The following DCAF12 variants were observed in gnomAD, a reference collection of about 807,000 sequenced individuals.
The protein encoded by DCAF12 is DDB1- and CUL4-associated factor 12.
A neutral mutation model predicts 52.8 loss-of-function variants in DCAF12; 28 were observed. That is an observed-to-expected ratio of 0.53 (90% CI 0.39 to 0.73). DCAF12 has a LOEUF of 0.73. DCAF12 is among the 30% of genes least tolerant of loss of function. The pLI is 0.00. For synonymous variants in DCAF12, 196 were observed against 215.5 expected (o/e 0.91, Z 0.79); for missense variants, 425 against 552.2 (o/e 0.77, Z 2.31).
chr9:34,106,905 T>C (rs969832000), intron 3 of DCAF12, among the ~76,000 whole-genome samples: 4 of 152,218 alleles, frequency 2.6e-5, no homozygotes, highest in Non-Finnish European at 5.9e-5. Flanking sequence ...AGTCCCTTTA[T>C]GCTGCCTTTA....
At chr9:34,093,621 G>A (rs1323170126) in intron 6 of DCAF12, 173 bp from the exon 7 acceptor site, 1 of 644,106 alleles carries the variant, frequency 1.6e-6, no homozygotes, top group Non-Finnish European at 2.6e-6. Flanking sequence ...AGAAAGAGGA[G>A]GTGAATGTTA....
intron 2 of DCAF12, among the ~76,000 whole-genome samples, chr9:34,115,139 C>A (rs1587740077): frequency 6.6e-6 from 1 of 151,984 alleles, no homozygotes; most frequent in South Asian, 2.1e-4. Flanking sequence ...GGTGGGCAAC[C>A]TAAGTCTGTG....
chr9:34,122,971 A>G (rs1829198058), intron 2 of DCAF12, among the ~76,000 whole-genome samples: 1 of 152,220 alleles, frequency 6.6e-6, no homozygotes, highest in South Asian at 2.1e-4. Flanking sequence ...CCATGAACAT[A>G]TACCTAACCC....
intron 6 of DCAF12, among the ~76,000 whole-genome samples, chr9:34,096,503 C>G (rs1395569512): frequency 6.6e-6 from 1 of 152,148 alleles, no homozygotes; most frequent in African/African-American, 2.4e-5. Flanking sequence ...ACTCAGGTGG[C>G]TGAGGCACAA....
chr9:34,097,256 C>CTTTTTT (rs999860045), intron 5 of DCAF12, among the ~76,000 whole-genome samples: 16 of 94,842 alleles, frequency 1.7e-4, no homozygotes, highest in African/African-American at 2.3e-4. Context: ...TCTGACACTG[C>CTTTTTT]TTTTTTTTTT....
In DCAF12 at chr9:34,099,814, G is replaced by A. The variant is rs555119563; in HGVS notation, c.602-1297C>T. On this transcript the variant is annotated intron_variant, in intron 4 of 8. Transcript: ENST00000361264. ...TCACCATGTTGGCCAGGCTGGTGTCGAACTCCTGACCTCATGATCCACCCG... is the reference window on the plus strand; with the variant it reads ...TCACCATGTTGGCCAGGCTGGTGTCAAACTCCTGACCTCATGATCCACCCG... Among the ~76,000 whole-genome samples the A allele has an allele frequency of 1.1e-4, 16 of 151,898 alleles. No individual in the cohort carries two copies. In the Middle Eastern group the frequency reaches 0.01, roughly 97 times the overall value.
In DCAF12 at chr9:34,108,472, G is replaced by A. The variant is rs189625441; in HGVS notation, c.334-907C>T. Among the ~76,000 whole-genome samples the A allele has an allele frequency of 3.9e-3, 599 of 152,238 alleles. 3 individuals carry two copies. Among genetic ancestry groups the A allele is most frequent in the Non-Finnish European group, 6.3e-3 (429 of 68,028 alleles). On this transcript the variant is annotated intron_variant, in intron 2 of 8. Transcript: ENST00000361264. ...TGCTTACACAGAAGATATATGAAAG[G>A]AGAAACTAGGTGAGTCTTAAGTTTA...
chr9:34,098,526 C>T lies in DCAF12; in HGVS notation c.602-9G>A, dbSNP rs1373913305. On this transcript the variant is annotated splice_polypyrimidine_tract_variant and intron_variant, in intron 4 of 8. Coordinates refer to ENST00000361264, the MANE Select transcript of DCAF12 (RefSeq NM_015397.4). ...AGAACCATCACGTGAGCCTGCAGGG[C>T]CAGGAGAACACAGATGTCAGATGTA... 3.7e-6 allele frequency: 6 copies of T among 1,609,650 alleles called. No individual in the cohort carries two copies. Among genetic ancestry groups the T allele is most frequent in the Non-Finnish European group, 5.1e-6 (6 of 1,177,724 alleles).
chr9:34,120,669 CAAAAAAA>C (rs71506167), intron 2 of DCAF12, among the ~76,000 whole-genome samples: 1 of 117,142 alleles, frequency 8.5e-6, no homozygotes, highest in African/African-American at 3.1e-5. Context: ...GACGCGGTCT[CAAAAAAA>C]AAAAAAAAAA....
intron 2 of DCAF12, chr9:34,109,713 G>A: frequency 4.6e-6 from 1 of 219,778 alleles, no homozygotes. Flanking sequence ...GGGGGAATAG[G>A]ACCCTGTTCA....
chr9:34,110,803 A>G (rs1217391860), intron 2 of DCAF12, among the ~76,000 whole-genome samples: 1 of 151,660 alleles, frequency 6.6e-6, no homozygotes, highest in African/African-American at 2.4e-5. Context: ...AAACAAAACA[A>G]AACAAAACCA....
intron 2 of DCAF12, among the ~76,000 whole-genome samples, chr9:34,121,642 C>T (rs556856411): frequency 8.6e-4 from 131 of 152,194 alleles, no homozygotes; most frequent in African/African-American, 3.1e-3. Flanking sequence ...CACCCCCAGC[C>T]CCTTCAAGAG....
intron 6 of DCAF12, among the ~76,000 whole-genome samples, chr9:34,094,718 G>C (rs1306360944): frequency 6.6e-6 from 1 of 151,760 alleles, no homozygotes; most frequent in East Asian, 2.0e-4. Context: ...TTTTAGTAGA[G>C]ACGGGGTTTC....
intron 4 of DCAF12, among the ~76,000 whole-genome samples, chr9:34,099,694 A>T (rs1439112572): frequency 1.3e-5 from 2 of 151,614 alleles, no homozygotes; most frequent in Non-Finnish European, 2.9e-5. Flanking sequence ...CCCGGGTTCA[A>T]GCGATTCTCC....
At chr9:34,102,824 G>T (rs979087766) in intron 4 of DCAF12, among the ~76,000 whole-genome samples, 1 of 146,628 alleles carries the variant, frequency 6.8e-6, no homozygotes, top group Non-Finnish European at 1.5e-5. Context: ...GACTGTAATC[G>T]CAACACTTTG....
At chr9:34,119,988 G>A (rs1182774070) in intron 2 of DCAF12, among the ~76,000 whole-genome samples, 2 of 151,688 alleles carry the variant, frequency 1.3e-5, no homozygotes, top group Non-Finnish European at 2.9e-5. Flanking sequence ...TTACAGTCAT[G>A]AGCCACTATA....
In DCAF12 at chr9:34,125,205, T is replaced by C; in HGVS notation, c.151A>G (p.Lys51Glu). The change falls in exon 2 of 9, where the codon AAG becomes GAG. Residue 51 changes from lysine to glutamate, a missense_variant. Lys to Glu is a moderately conservative substitution (Grantham distance 56, BLOSUM62 1). This residue lies in a region of DCAF12 where 89 missense variants were observed against 84.9 expected (regional missense o/e 1.05). Transcript: ENST00000361264. The stretch of plus-strand genomic sequence containing the variant: ...TTCTGTAGCCTGACTTCCCGGTTCT[T>C]CAAGTAGTATACTAAGGATCTCTTC... Reference protein sequence around the residue: ...PVKRSLVYYLKNREVRLQNET... With the variant: ...PVKRSLVYYLENREVRLQNET... 6.2e-7 allele frequency: 1 copy of C among 1,614,192 alleles called. No individual in the cohort carries two copies. The highest frequency in any genetic ancestry group is 8.5e-7 in the Non-Finnish European group (1 of 1,180,038).
intron 3 of DCAF12, among the ~76,000 whole-genome samples, 170 bp from the exon 4 acceptor site, chr9:34,106,664 C>G (rs769448472): frequency 2.0e-5 from 3 of 152,130 alleles, no homozygotes; most frequent in Non-Finnish European, 4.4e-5. Flanking sequence ...CAATCTTTAC[C>G]TTCTATCTTG....
chr9:34,091,509 G>A (rs768032385), intron 7 of DCAF12, among the ~76,000 whole-genome samples: 7 of 151,804 alleles, frequency 4.6e-5, no homozygotes, highest in East Asian at 1.9e-4. Flanking sequence ...GGTGGCGGAC[G>A]CTTATAGTCC....
Sources: gnomAD v4.1 joint callset for allele counts (sites outside exome capture counted in the v4.1 genomes callset) on GRCh38, gnomAD v4.1.1 for gene constraint, gnomAD v4.1.1 regional missense constraint, MANE v1.5 for transcripts, NCBI Gene and HGNC (gene_info 2026-07-23, HGNC 2026-07-21) for gene names.